The following TBC1D22A variants were observed in gnomAD, a reference collection of about 807,000 sequenced individuals.
TBC1D22A encodes TBC1 domain family member 22A, also known as putative GTPase activator.
A neutral mutation model predicts 60.2 loss-of-function variants in TBC1D22A; 38 were observed. The observed-to-expected ratio is 0.63, with a 90% CI of 0.49 to 0.83. The LOEUF (loss-of-function observed/expected upper bound fraction) is 0.83. Ranked by LOEUF, TBC1D22A falls within the 40% of genes least tolerant of loss-of-function variation. The pLI is 0.00. For missense variants in TBC1D22A, 628 were observed against 701.0 expected (o/e 0.90, Z 1.18); for synonymous variants, 302 against 281.7 (o/e 1.07, Z -0.72).
At chr22:47,126,021 G>A (rs949952036) in intron 12 of TBC1D22A, among the ~76,000 whole-genome samples, 5 of 151,966 alleles carry the variant, frequency 3.3e-5, no homozygotes, top group Admixed American at 2.0e-4. Context: ...TCGCTCTGTC[G>A]GCCAGGTTGG....
chr22:46,782,919 G>A (rs966227295), intron 1 of TBC1D22A, among the ~76,000 whole-genome samples: 8 of 152,198 alleles, frequency 5.3e-5, no homozygotes, highest in African/African-American at 1.9e-4. Flanking sequence ...GGTTAATGCT[G>A]TACAAGGTTT....
rs561916363 is a variant in TBC1D22A at position 47,148,412 on chromosome 22, A to G, written c.1426-25086A>G. On this transcript the variant is annotated intron_variant, in intron 12 of 12. Transcript: ENST00000337137. ...AAGAACAGTTGGATTTTAAAAATAG[A>G]AATCCTAAAAAGGAGGATGTGCCTA... 4.6e-5 allele frequency among the ~76,000 whole-genome samples: 7 copies of G among 152,296 alleles called. No homozygotes were observed. The East Asian group carries it at 1.2e-3, about 25-fold the overall frequency.
At chr22:46,945,171 A>G (rs972376369) in intron 8 of TBC1D22A, among the ~76,000 whole-genome samples, 7 of 152,230 alleles carry the variant, frequency 4.6e-5, no homozygotes, top group Admixed American at 6.5e-5. Flanking sequence ...CAAACTTTTG[A>G]AAAACTACTG....
intron 11 of TBC1D22A, among the ~76,000 whole-genome samples, chr22:47,110,806 A>G (rs906211431): frequency 6.6e-6 from 1 of 152,156 alleles, no homozygotes; most frequent in Non-Finnish European, 1.5e-5. Flanking sequence ...AACTAACACC[A>G]TAGCCCCAAG....
chr22:47,104,585 CCCCA>C (rs1226126251), intron 11 of TBC1D22A, among the ~76,000 whole-genome samples: 4 of 151,910 alleles, frequency 2.6e-5, no homozygotes, highest in Non-Finnish European at 4.4e-5. Flanking sequence ...ATCCCAGCTA[CCCCA>C]GAGGCTGAGG....
intron 8 of TBC1D22A, among the ~76,000 whole-genome samples, chr22:46,972,691 A>G (rs1397836686): frequency 1.3e-5 from 2 of 152,128 alleles, no homozygotes; most frequent in Admixed American, 6.5e-5. Flanking sequence ...TGGTGATGCA[A>G]AGGCTCTGGA....
chr22:46,973,146 C>T (rs923628420), intron 8 of TBC1D22A, among the ~76,000 whole-genome samples: 9 of 152,190 alleles, frequency 5.9e-5, no homozygotes, highest in Admixed American at 2.0e-4. Flanking sequence ...GGGGAAGCAG[C>T]GCGATGGGAT....
At chr22:46,859,443 G>A (rs1200035722) in intron 4 of TBC1D22A, among the ~76,000 whole-genome samples, 5 of 1,034 alleles carry the variant, frequency 4.8e-3, no homozygotes, top group Admixed American at 7.8e-3. Context: ...AGAGGTCCGC[G>A]CAGTGCCGTG....
chr22:47,136,566 A>G (rs1601630275), intron 12 of TBC1D22A, among the ~76,000 whole-genome samples: 1 of 115,274 alleles, frequency 8.7e-6, no homozygotes, highest in East Asian at 4.2e-4. Flanking sequence ...ACGGGGGACC[A>G]GGAGGTGAGG....
chr22:46,942,463 C>A (rs2072231622), intron 8 of TBC1D22A, among the ~76,000 whole-genome samples: 1 of 152,166 alleles, frequency 6.6e-6, no homozygotes, highest in African/African-American at 2.4e-5. Context: ...AGCTGCTTAG[C>A]TATGCCGCTA....
chr22:46,897,499 G>T (rs1473367389), intron 7 of TBC1D22A, among the ~76,000 whole-genome samples: 1 of 152,142 alleles, frequency 6.6e-6, no homozygotes, highest in Non-Finnish European at 1.5e-5. Flanking sequence ...CAGGCTGCTA[G>T]GTTGCTGGAG....
At chr22:46,856,946 C>A (rs182763202) in intron 4 of TBC1D22A, among the ~76,000 whole-genome samples, 1 of 152,180 alleles carries the variant, frequency 6.6e-6, no homozygotes, top group South Asian at 2.1e-4. Flanking sequence ...GGTTGGGATG[C>A]GAGCTAGAGG....
chr22:47,011,612 C>T (rs1390549699), intron 10 of TBC1D22A, among the ~76,000 whole-genome samples: 1 of 152,212 alleles, frequency 6.6e-6, no homozygotes, highest in African/African-American at 2.4e-5. Flanking sequence ...GCCTGTGTGG[C>T]TTCACATTGC....
intron 3 of TBC1D22A, among the ~76,000 whole-genome samples, chr22:46,796,008 G>T (rs940104514): frequency 1.3e-5 from 2 of 152,216 alleles, no homozygotes; most frequent in African/African-American, 4.8e-5. Flanking sequence ...AGCCCTGTCT[G>T]CAGTAAGGCC....
chr22:47,103,429 G>A (rs1231906921), intron 11 of TBC1D22A, among the ~76,000 whole-genome samples: 1 of 152,208 alleles, frequency 6.6e-6, no homozygotes, highest in Non-Finnish European at 1.5e-5. Context: ...CCCTCGTGGG[G>A]CAGCAGAATG....
chr22:46,786,965 C>T lies in TBC1D22A; in HGVS notation c.63-5555C>T, dbSNP rs190016118. ...GCTTCCCAAAGTGCTTGATTACAAA[C>T]GTGAGCCAGTGTGCCCGGCCTCTAA... On this transcript the variant is annotated intron_variant, in intron 1 of 12. Coordinates refer to ENST00000337137, the MANE Select transcript of TBC1D22A (RefSeq NM_014346.5). 1.2e-4 allele frequency among the ~76,000 whole-genome samples: 18 copies of T among 152,258 alleles called. No individual in the cohort carries two copies. The East Asian group carries it at 2.5e-3, about 21-fold the overall frequency.
chr22:46,782,999 A>T (rs970463360), intron 1 of TBC1D22A, among the ~76,000 whole-genome samples: 1 of 151,874 alleles, frequency 6.6e-6, no homozygotes, highest in Admixed American at 6.6e-5. Context: ...TCATGCGATA[A>T]CTCCATGTAA....
At chr22:47,029,261 C>T (rs1206924428) in intron 10 of TBC1D22A, among the ~76,000 whole-genome samples, 1 of 151,334 alleles carries the variant, frequency 6.6e-6, no homozygotes, top group Non-Finnish European at 1.5e-5. Context: ...CATACCCCTT[C>T]CCATGGGGCC....
chr22:46,862,427 C>T (rs1030412907), intron 4 of TBC1D22A, among the ~76,000 whole-genome samples: 4 of 152,006 alleles, frequency 2.6e-5, no homozygotes, highest in South Asian at 2.1e-4. Flanking sequence ...TTTCTCTTGC[C>T]GTGAGCCTTC....
Sources: allele counts gnomAD v4.1 joint callset (sites outside exome capture counted in the v4.1 genomes callset), GRCh38; gene constraint gnomAD v4.1.1; transcripts MANE v1.5; gene names NCBI Gene and HGNC (gene_info 2026-07-23, HGNC 2026-07-21).